The following CCL17 variants were observed in gnomAD, a reference collection of about 807,000 sequenced individuals.
CCL17 encodes C-C motif chemokine ligand 17, also known as C-C motif chemokine 17.
A neutral mutation model predicts 7.4 loss-of-function variants in CCL17; 8 were observed. The observed-to-expected ratio is 1.09, with a 90% CI of 0.64 to 1.96. CCL17 has a LOEUF of 1.96. Ranked by LOEUF, CCL17 falls within the 30% of genes most tolerant of loss-of-function variation. The pLI, the probability that CCL17 is intolerant of heterozygous loss-of-function variation, is 0.00. For synonymous variants in CCL17, 40 were observed against 46.1 expected (o/e 0.87, Z 0.54); for missense variants, 102 against 113.0 (o/e 0.90, Z 0.44).
At chr16:57,407,476 G>C (rs1020029254) in intron 1 of CCL17, among the ~76,000 whole-genome samples, 3 of 152,110 alleles carry the variant, frequency 2.0e-5, no homozygotes, top group Non-Finnish European at 4.4e-5. Context: ...GGAGGCCCTG[G>C]GATAGAATGT....
chr16:57,400,685 C>T (rs989901680), upstream of CCL17, among the ~76,000 whole-genome samples: 12 of 152,092 alleles, frequency 7.9e-5, no homozygotes, highest in Middle Eastern at 3.2e-3. Flanking sequence ...GAAATTTACC[C>T]GGGCCGGGCA....
chr16:57,401,387 G>A (rs1372780398), upstream of CCL17, among the ~76,000 whole-genome samples: 1 of 152,018 alleles, frequency 6.6e-6, no homozygotes, highest in Non-Finnish European at 1.5e-5. Flanking sequence ...AGCTGGGCAT[G>A]GCAGTGCACC....
At chr16:57,408,693 C>T (rs999232434) in intron 1 of CCL17, among the ~76,000 whole-genome samples, 4 of 151,950 alleles carry the variant, frequency 2.6e-5, no homozygotes, top group Admixed American at 6.6e-5. Context: ...CTCAGCCTCC[C>T]GAGCAGCTGG....
the CCL17 span, among the ~76,000 whole-genome samples, chr16:57,396,471 T>C: frequency 6.6e-6 from 1 of 152,166 alleles, no homozygotes; most frequent in Non-Finnish European, 1.5e-5. Context: ...ACTGAGTGGC[T>C]CCCTGTGTTC....
At chr16:57,405,076 G>C (rs1902674743) in intron 1 of CCL17, among the ~76,000 whole-genome samples, 1 of 152,214 alleles carries the variant, frequency 6.6e-6, no homozygotes, top group Non-Finnish European at 1.5e-5. Context: ...ATAGGAAGGA[G>C]GGGCTAGATG....
upstream of CCL17, among the ~76,000 whole-genome samples, chr16:57,403,488 AT>A (rs1902637682): frequency 7.6e-4 from 1 of 1,318 alleles, no homozygotes; most frequent in African/African-American, 9.5e-4. Context: ...TTATATAATA[AT>A]ATATATATTA....
chr16:57,407,652 C>T (rs62037107), intron 1 of CCL17, among the ~76,000 whole-genome samples: 2,781 of 152,136 alleles, frequency 0.018, 32 homozygotes, highest in South Asian at 0.068. Flanking sequence ...ACACATACAC[C>T]CACCCATCCA....
At chr16:57,398,144 C>A in the CCL17 span, among the ~76,000 whole-genome samples, 1 of 152,200 alleles carries the variant, frequency 6.6e-6, no homozygotes, top group Non-Finnish European at 1.5e-5. Flanking sequence ...CCATAAATTT[C>A]TTTTGGCACC....
chr16:57,399,450 T>C, the CCL17 span, among the ~76,000 whole-genome samples: 1 of 152,240 alleles, frequency 6.6e-6, no homozygotes, highest in African/African-American at 2.4e-5. Context: ...TTTTTACTTA[T>C]TTATTTTTTT....
At chr16:57,404,891 C>T (rs952251622) in intron 1 of CCL17, 55 bp downstream of exon 1, 13 of 154,320 alleles carry the variant, frequency 8.4e-5, no homozygotes, top group Middle Eastern at 1.0e-3. Flanking sequence ...GTGACCCCCT[C>T]GCTGGATCTT....
At chr16:57,412,781 C>T (rs951332703) in intron 1 of CCL17, among the ~76,000 whole-genome samples, 4 of 152,148 alleles carry the variant, frequency 2.6e-5, no homozygotes, top group South Asian at 2.1e-4. Context: ...ACTGTAGGGA[C>T]GCCCATGCTG....
At chr16:57,400,603 A>G, upstream of CCL17, among the ~76,000 whole-genome samples, 1 of 152,168 alleles carries the variant, frequency 6.6e-6, no homozygotes, top group Non-Finnish European at 1.5e-5. Context: ...AGAACAGTGT[A>G]TGGGAGCATT....
chr16:57,413,610 A>G (rs1337424874), intron 1 of CCL17, among the ~76,000 whole-genome samples: 1 of 152,088 alleles, frequency 6.6e-6, no homozygotes, highest in Admixed American at 6.5e-5. Flanking sequence ...TTTCAATTCT[A>G]ATAGAGGAAC....
At chr16:57,408,193 T>C (rs1902728017) in intron 1 of CCL17, among the ~76,000 whole-genome samples, 5 of 151,896 alleles carry the variant, frequency 3.3e-5, no homozygotes, top group Admixed American at 3.3e-4. Context: ...CATCTATCCA[T>C]CATCCATACA....
chr16:57,406,553 C>T (rs1902699113), intron 1 of CCL17, among the ~76,000 whole-genome samples: 1 of 152,118 alleles, frequency 6.6e-6, no homozygotes, highest in Admixed American at 6.6e-5. Context: ...ACACCCACCC[C>T]AGCCTATAGT....
At chr16:57,397,312 C>T in the CCL17 span, among the ~76,000 whole-genome samples, 2,141 of 152,286 alleles carry the variant, frequency 0.014, 55 homozygotes, top group African/African-American at 0.048. Context: ...CATATGAAAA[C>T]TTTGGTGGAG....
At chr16:57,412,916 A>C (rs545994721) in intron 1 of CCL17, among the ~76,000 whole-genome samples, 34 of 152,296 alleles carry the variant, frequency 2.2e-4, no homozygotes, top group Non-Finnish European at 4.6e-4. Flanking sequence ...CAGTTCACCA[A>C]CTTTATCAAC....
At chr16:57,398,063 C>G in the CCL17 span, among the ~76,000 whole-genome samples, 1 of 152,128 alleles carries the variant, frequency 6.6e-6, no homozygotes, top group African/African-American at 2.4e-5. Context: ...GAGGGCCGCA[C>G]AGGTGCATAT....
chr16:57,404,011 A>G (rs1902659765), upstream of CCL17, among the ~76,000 whole-genome samples: 1 of 152,108 alleles, frequency 6.6e-6, no homozygotes. Flanking sequence ...TGGGGACAAC[A>G]TTCCAGGCTG....
Sources: allele counts gnomAD v4.1 joint callset (sites outside exome capture counted in the v4.1 genomes callset), GRCh38; gene constraint gnomAD v4.1.1; transcripts MANE v1.5; gene names NCBI Gene and HGNC (gene_info 2026-07-23, HGNC 2026-07-21).